ELL: variants seen among roughly 807,000 people sequenced by gnomAD.
The protein encoded by ELL is elongation factor for RNA polymerase II, also known as RNA polymerase II elongation factor ELL.
A neutral mutation model predicts 64.0 loss-of-function variants in ELL; 18 were observed. The ratio of observed to expected loss-of-function variants is 0.28; its 90% CI spans 0.19 to 0.42. The LOEUF (loss-of-function observed/expected upper bound fraction) is 0.42. Ranked by LOEUF, ELL falls within the 10% of genes least tolerant of loss-of-function variation. The probability of loss-of-function intolerance (pLI) is 1.00; values close to 1 mark genes in which losing one functional copy is unlikely to be tolerated. For missense variants in ELL, 797 were observed against 870.4 expected (o/e 0.92, Z 1.06); for synonymous variants, 399 against 376.2 (o/e 1.06, Z -0.70).
rs944985785 is a variant in ELL at position 18,501,459 on chromosome 19, G to A, written c.135+20462C>T. Among the ~76,000 whole-genome samples, 4 of 152,236 alleles carry A rather than the reference G, an allele frequency of 2.6e-5. No homozygotes were observed. The highest frequency in any genetic ancestry group is 1.3e-4 in the Admixed American group (2 of 15,284). ...TCAACAATGAGGCGGACCCTCCAAC[G>A]TGCCTCACACTTCAAGGCAGCTCTT... On this transcript the variant is annotated intron_variant, in intron 1 of 11. Coordinates refer to ENST00000262809, the MANE Select transcript of ELL (RefSeq NM_006532.4). This position sits in a 1 kb window ranked among gnomAD's most constrained non-coding sequence, Gnocchi z 4.5.
intron 6 of ELL, among the ~76,000 whole-genome samples, chr19:18,454,171 G>T (rs1974601787): frequency 6.6e-6 from 1 of 152,192 alleles, no homozygotes; most frequent in African/African-American, 2.4e-5. Flanking sequence ...TGTGTTACAT[G>T]AACTGTATCT....
intron 5 of ELL, among the ~76,000 whole-genome samples, chr19:18,459,166 C>T (rs1600440328): frequency 1.3e-5 from 2 of 152,296 alleles, no homozygotes; most frequent in South Asian, 4.1e-4. Context: ...CGTGAGCCAC[C>T]GCGCTGGGCT....
At chr19:18,468,761 TC>T (rs1206257150) in intron 2 of ELL, among the ~76,000 whole-genome samples, 1 of 152,226 alleles carries the variant, frequency 6.6e-6, no homozygotes, top group Admixed American at 6.5e-5. Flanking sequence ...TGCAGCCCTG[TC>T]CCAGGAAAAC....
At chr19:18,520,435 G>C (rs1352529332) in intron 1 of ELL, among the ~76,000 whole-genome samples, 1 of 152,138 alleles carries the variant, frequency 6.6e-6, no homozygotes, top group Admixed American at 6.5e-5. Context: ...GGGCGCCTTA[G>C]CCTCATCTTG....
chr19:18,483,170 G>C (rs1004099024), intron 1 of ELL, among the ~76,000 whole-genome samples: 1 of 151,990 alleles, frequency 6.6e-6, no homozygotes, highest in Non-Finnish European at 1.5e-5. Flanking sequence ...AGCAGCTCTG[G>C]GTAACTCCTG....
At chr19:18,460,572 G>A (rs992024582) in intron 5 of ELL, among the ~76,000 whole-genome samples, 2 of 152,210 alleles carry the variant, frequency 1.3e-5, no homozygotes, top group Admixed American at 6.5e-5. Flanking sequence ...GGGGGTGGAC[G>A]AGGGCCAGGC....
At chr19:18,453,113 C>T (rs901474817) in intron 6 of ELL, among the ~76,000 whole-genome samples, 10 of 152,018 alleles carry the variant, frequency 6.6e-5, no homozygotes, top group African/African-American at 2.2e-4. Context: ...CTCTCCTAAA[C>T]GTACAAAAAA....
rs758649978 is a variant in ELL at position 18,450,479 on chromosome 19, G to C, written c.1463C>G (p.Pro488Arg). Residue 488 changes from proline to arginine, a missense_variant and splice_region_variant, in exon 8 of 12, where the codon CCA becomes CGA. Transcript: ENST00000262809. ...HATPGAPADT[P>R]GLNGTCSVSS... ...CGCCCTCCTGCCTGGGCACCTACCT[G>C]GGGTGTCTGCTGGGGCTCCGGGGGT... is the stretch of plus-strand genomic sequence containing the variant. The C allele has an allele frequency of 6.2e-6, 10 of 1,612,468 alleles. No homozygotes were observed. Among genetic ancestry groups the C allele is most frequent in the Non-Finnish European group, 8.5e-6 (10 of 1,179,698 alleles).
intron 2 of ELL, among the ~76,000 whole-genome samples, chr19:18,467,541 G>A (rs1194191268): frequency 2.6e-5 from 4 of 151,820 alleles, no homozygotes; most frequent in African/African-American, 9.7e-5. Context: ...GAAACGGCCT[G>A]CACTCAGCAT....
At chr19:18,481,905 C>T (rs2144942562) in intron 1 of ELL, among the ~76,000 whole-genome samples, 1 of 152,312 alleles carries the variant, frequency 6.6e-6, no homozygotes, top group East Asian at 1.9e-4. Flanking sequence ...AGTAGGTGTA[C>T]ATTTAATTTA....
rs780944426 is a variant in ELL, at chr19:18,472,888, A to T, written c.136-6T>A. The stretch of plus-strand genomic sequence containing the variant: ...GGCCTCAGTGAAACAGAATCCTATA[A>T]AAAAAAAAAAAAAAAAAAAAAGGTG... On this transcript the variant is annotated splice_polypyrimidine_tract_variant and splice_region_variant and intron_variant, in intron 1 of 11. Coordinates refer to ENST00000262809, the MANE Select transcript of ELL (RefSeq NM_006532.4). 4.3e-5 allele frequency: 26 copies of T among 604,952 alleles called. No homozygotes were observed. Among genetic ancestry groups the T allele is most frequent in the Middle Eastern group, 3.7e-4 (1 of 2,714 alleles). The allele number at this position is 604,952 out of a possible 1,614,324, so 37.5% of individuals were successfully genotyped here. A position where few individuals can be genotyped will look rare whatever the true frequency, so the allele number is the denominator to read the frequency against.
chr19:18,490,936 T>C (rs1370684571), intron 1 of ELL, among the ~76,000 whole-genome samples: 2 of 152,166 alleles, frequency 1.3e-5, no homozygotes, highest in Non-Finnish European at 2.9e-5. Flanking sequence ...GGTGACATTC[T>C]CACACATGCT....
intron 1 of ELL, among the ~76,000 whole-genome samples, chr19:18,488,152 C>A (rs1193333564): frequency 6.6e-6 from 1 of 152,202 alleles, no homozygotes; most frequent in South Asian, 2.1e-4. Flanking sequence ...GGTCCCAGCC[C>A]GCCTCTCCAC....
chr19:18,518,018 C>G (rs1018832694), intron 1 of ELL, among the ~76,000 whole-genome samples: 4 of 148,532 alleles, frequency 2.7e-5, no homozygotes, highest in Admixed American at 2.0e-4. Context: ...GTCAGGAGTT[C>G]GAGACCAGCC....
intron 2 of ELL, chr19:18,471,477 G>A (rs1975063712): frequency 3.3e-6 from 1 of 300,856 alleles, no homozygotes; most frequent in South Asian, 2.5e-5. Flanking sequence ...AGACCAGCCT[G>A]GCCAACATGG....
At chr19:18,454,840 C>CAAAAAAAAAAAAAAAAAAAGAAAAAA (rs563546343) in intron 6 of ELL, among the ~76,000 whole-genome samples, 1 of 56,512 alleles carries the variant, frequency 1.8e-5, no homozygotes, top group African/African-American at 7.1e-5. Flanking sequence ...GACTCAGTCT[C>CAAAAAAAAAAAAAAAAAAAGAAAAAA]AAAAAAAAAA....
intron 4 of ELL, 70 bp downstream of exon 4, chr19:18,465,342 A>G: frequency 6.6e-7 from 1 of 1,519,004 alleles, no homozygotes; most frequent in Non-Finnish European, 8.8e-7. Flanking sequence ...CAGCCTGGAC[A>G]GGCCCCAAAT....
Position 18,509,572 on chromosome 19 carries a change from C to G in ELL, c.135+12349G>C, listed in dbSNP as rs531652631. ...GGGTGAACACAGATGGAGACACAGG[C>G]CAATGCACGTGCGCGCGCGCGCACA... On this transcript the variant is annotated intron_variant, in intron 1 of 11. Coordinates refer to ENST00000262809, the MANE Select transcript of ELL (RefSeq NM_006532.4). Among the ~76,000 whole-genome samples the G allele has an allele frequency of 1.1e-4, 17 of 149,240 alleles. No homozygotes were observed. The South Asian group carries it at 3.4e-3, about 30-fold the overall frequency.
chr19:18,467,654 C>T (rs1186245572), intron 2 of ELL, among the ~76,000 whole-genome samples: 1 of 129,928 alleles, frequency 7.7e-6, no homozygotes, highest in Non-Finnish European at 1.6e-5. Context: ...CACACACACA[C>T]ACACACACAC....
Sources: gnomAD v4.1 joint callset for allele counts (sites outside exome capture counted in the v4.1 genomes callset) on GRCh38, gnomAD v4.1.1 for gene constraint, Gnocchi (gnomAD v3.1) non-coding constraint, MANE v1.5 for transcripts, NCBI Gene and HGNC (gene_info 2026-07-23, HGNC 2026-07-21) for gene names.